CHD5: variants seen among roughly 807,000 people sequenced by gnomAD.
CHD5 encodes the protein chromodomain helicase DNA binding protein 5.
CHD5 carries 69 observed loss-of-function variants against 230.3 expected under a neutral mutation model. That is an observed-to-expected ratio of 0.30 (90% confidence interval 0.25 to 0.37). The LOEUF (loss-of-function observed/expected upper bound fraction) is 0.37, where lower values mean the gene tolerates loss of function less well. Ranked by LOEUF, CHD5 falls within the 10% of genes least tolerant of loss-of-function variation. The pLI, the probability that CHD5 is intolerant of heterozygous loss-of-function variation, is 1.00. For synonymous variants in CHD5, 1,064 were observed against 1,065.9 expected (o/e 1.00, Z 0.03); for missense variants, 1,827 against 2,622.8 (o/e 0.70, Z 6.63).
At chr1:6,158,198 G>A (rs944683195) in intron 3 of CHD5, among the ~76,000 whole-genome samples, 4 of 152,128 alleles carry the variant, frequency 2.6e-5, no homozygotes, top group African/African-American at 7.2e-5. Context: ...CTGAGACTCC[G>A]GAGCACCTCA....
rs978658742 is a variant in CHD5, at chr1:6,126,986, C to A, written c.3904-240G>T. On this transcript the variant is annotated intron_variant, in intron 25 of 41. Transcript: ENST00000262450. This position sits in a 1 kb window ranked among gnomAD's most constrained non-coding sequence, Gnocchi z 5.7. ...TCCATTCACAAAGCAAGTATTTCCT[C>A]GCCTCCTGTCAAGCACTGAGGTACT... 1.4e-5 allele frequency: 8 copies of A among 559,322 alleles called. No individual in the cohort carries two copies. In the South Asian group the frequency reaches 1.7e-4, roughly 12 times the overall value. 34.6% of individuals were successfully genotyped at this position (559,322 alleles called of 1,614,324 possible). A position where few individuals can be genotyped will look rare whatever the true frequency, so the allele number is the denominator to read the frequency against.
rs1265831564 is a variant in CHD5 at position 6,104,692 on chromosome 1, C to CA, written c.*781dup. On this transcript the variant is annotated 3_prime_UTR_variant, in exon 42 of 42. Coordinates refer to ENST00000262450, the MANE Select transcript of CHD5 (RefSeq NM_015557.3). ...TGAAGAGCCGGGGCCACAGGCCCCC[C>CA]ACTGGTAACAGAGTCCAGGGCCTTC... is the stretch of plus-strand genomic sequence containing the variant. The CA allele has an allele frequency of 6.6e-6, 1 of 152,078 alleles. No individual in the cohort carries two copies. Among genetic ancestry groups the CA allele is most frequent in the Non-Finnish European group, 1.5e-5 (1 of 68,042 alleles). 9.4% of individuals were successfully genotyped at this position (152,078 alleles called of 1,614,324 possible). A position where few individuals can be genotyped will look rare whatever the true frequency, so the allele number is the denominator to read the frequency against.
intron 2 of CHD5, among the ~76,000 whole-genome samples, chr1:6,163,571 C>T (rs1217162767): frequency 1.3e-5 from 2 of 152,212 alleles, no homozygotes; most frequent in Non-Finnish European, 2.9e-5. Context: ...GCAAATAGTT[C>T]TGAAAACACC....
At chr1:6,150,162 G>T (rs1277393281) in intron 7 of CHD5, among the ~76,000 whole-genome samples, 2 of 149,422 alleles carry the variant, frequency 1.3e-5, no homozygotes, top group African/African-American at 5.1e-5. Context: ...ATGGATGATG[G>T]ATGGACAAAT....
chr1:6,131,330 G>A lies in CHD5; in HGVS notation c.3262+301C>T, dbSNP rs938441565. On this transcript the variant is annotated intron_variant, in intron 21 of 41. Transcript: ENST00000262450. The surrounding 1 kb of genome is among the most constrained non-coding windows in gnomAD (Gnocchi z 5.0). Reference sequence around the variant, plus strand: ...TACCTTCTGCCACCATTCACCATACGGCAGGCTCTGTCCAACACCACTTGT... The same window carrying A: ...TACCTTCTGCCACCATTCACCATACAGCAGGCTCTGTCCAACACCACTTGT... Among the ~76,000 whole-genome samples, 17 of 152,154 alleles carry A rather than the reference G, an allele frequency of 1.1e-4. No individual in the cohort carries two copies. The highest frequency in any genetic ancestry group is 2.2e-4 in the African/African-American group (9 of 41,430).
At chr1:6,170,721 C>G (rs1440547748) in intron 1 of CHD5, among the ~76,000 whole-genome samples, 1 of 152,194 alleles carries the variant, frequency 6.6e-6, no homozygotes, top group Non-Finnish European at 1.5e-5. Flanking sequence ...CTGGGCTGCT[C>G]CGGCTGACCC....
intron 1 of CHD5, among the ~76,000 whole-genome samples, chr1:6,171,435 G>T (rs554965671): frequency 6.6e-6 from 1 of 152,214 alleles, no homozygotes; most frequent in African/African-American, 2.4e-5. Context: ...TCTCTGATGG[G>T]CCCTTCCTCT....
intron 38 of CHD5, among the ~76,000 whole-genome samples, chr1:6,107,488 ATGGATAG>A (rs1666203238): frequency 9.4e-6 from 1 of 106,448 alleles, no homozygotes; most frequent in Non-Finnish European, 1.9e-5. Flanking sequence ...TGAAGGGATG[ATGGATAG>A]ATGGAGGGAC....
chr1:6,162,153 G>A (rs374578156), intron 2 of CHD5, among the ~76,000 whole-genome samples: 13 of 152,244 alleles, frequency 8.5e-5, no homozygotes, highest in Admixed American at 2.6e-4. Context: ...AGGCCGAGGC[G>A]GGCAGATCAC....
chr1:6,137,148 C>G (rs146044063), intron 15 of CHD5, among the ~76,000 whole-genome samples: 1 of 152,120 alleles, frequency 6.6e-6, no homozygotes, highest in African/African-American at 2.4e-5. Flanking sequence ...CTCCCACCCC[C>G]CAGCGTGGAG....
chr1:6,111,989 G>C (rs1161758678), intron 35 of CHD5, 106 bp from the exon 36 acceptor site: 4 of 1,366,214 alleles, frequency 2.9e-6, no homozygotes, highest in African/African-American at 1.4e-5. Context: ...TCCACCCCCA[G>C]AGGTCCAGTG....
rs1666474456 is a variant in CHD5, at chr1:6,121,720, TCCCCGGC to T, written c.4700-154_4700-148del. 3 of 613,692 alleles carry T rather than the reference TCCCCGGC, an allele frequency of 4.9e-6. No individual in the cohort carries two copies. The highest frequency in any genetic ancestry group is 8.8e-6 in the Non-Finnish European group (3 of 342,196). 38.0% of individuals were successfully genotyped at this position (613,692 alleles called of 1,614,324 possible). The stretch of plus-strand genomic sequence containing the variant: ...GCACCTCCAGGAGAGACAAGCAGGA[TCCCCGGC>T]TAAGTCAGAGAGGCCAGGCCAGGCC... On this transcript the variant is annotated intron_variant, in intron 31 of 41. Coordinates refer to ENST00000262450, the MANE Select transcript of CHD5 (RefSeq NM_015557.3). This position sits in a 1 kb window ranked among gnomAD's most constrained non-coding sequence, Gnocchi z 4.5.
In CHD5 at chr1:6,142,296, C is replaced by A. The variant is rs199853430; in HGVS notation, c.2268G>T (p.Ala756=). 1.1e-5 allele frequency: 17 copies of A among 1,612,320 alleles called. No individual in the cohort carries two copies. In the East Asian group the frequency reaches 3.3e-4, roughly 32 times the overall value. ...GHSKGPYLVS[A]PLSTIINWER... The stretch of plus-strand genomic sequence containing the variant: ...CCCAGTTGATGATGGTGGAGAGGGG[C>A]GCGCTAACCAGGTAGGGCCCTTTGG... Residue 756 remains alanine (A), a synonymous_variant, in exon 15 of 42, where the codon GCG becomes GCT. Transcript: ENST00000262450. This position sits in a 1 kb window ranked among gnomAD's most constrained non-coding sequence, Gnocchi z 5.2.
At chr1:6,166,183 G>T (rs370461701) in intron 2 of CHD5, among the ~76,000 whole-genome samples, 1 of 151,306 alleles carries the variant, frequency 6.6e-6, no homozygotes, top group East Asian at 2.0e-4. Flanking sequence ...GTCTCTCTAG[G>T]GGAAGACAGG....
At chr1:6,124,790 G>A (rs938302807) in intron 29 of CHD5, 129 bp from the exon 30 acceptor site, 18 of 709,092 alleles carry the variant, frequency 2.5e-5, no homozygotes, top group Non-Finnish European at 4.2e-5. Context: ...AGTCAGGCCT[G>A]GGCCAGGCCC....
intron 31 of CHD5, among the ~76,000 whole-genome samples, chr1:6,122,675 C>T (rs766784784): frequency 3.9e-5 from 6 of 152,180 alleles, no homozygotes; most frequent in Non-Finnish European, 5.9e-5. Flanking sequence ...CACGCAAAAA[C>T]ATAAAACACA....
intron 2 of CHD5, among the ~76,000 whole-genome samples, chr1:6,161,205 T>C (rs116427995): frequency 0.1 from 15,170 of 150,928 alleles, 927 homozygotes; most frequent in African/African-American, 0.17. Context: ...CCCTGGATAG[T>C]CTTGGGAGGC....
intron 17 of CHD5, 61 bp downstream of exon 17, chr1:6,136,456 C>G: frequency 3.1e-6 from 5 of 1,588,302 alleles, no homozygotes; most frequent in Non-Finnish European, 4.3e-6. Flanking sequence ...GCTATTGATC[C>G]GTCTTCACTG....
intron 2 of CHD5, among the ~76,000 whole-genome samples, chr1:6,166,651 C>A (rs1356061719): frequency 6.6e-6 from 1 of 152,120 alleles, no homozygotes; most frequent in African/African-American, 2.4e-5. Flanking sequence ...AAAGGAACCA[C>A]AGGCTGCAGG....
Sources: gnomAD v4.1 joint callset for allele counts (sites outside exome capture counted in the v4.1 genomes callset) on GRCh38, gnomAD v4.1.1 for gene constraint, Gnocchi (gnomAD v3.1) non-coding constraint, MANE v1.5 for transcripts, NCBI Gene and HGNC (gene_info 2026-07-23, HGNC 2026-07-21) for gene names.